LHCGR: variants seen among roughly 807,000 people sequenced by gnomAD.
LHCGR encodes the protein luteinizing hormone/choriogonadotropin receptor.
LHCGR carries 55 observed loss-of-function variants against 60.7 expected under a neutral mutation model. The observed-to-expected ratio is 0.91, with a 90% CI of 0.73 to 1.13. The LOEUF (loss-of-function observed/expected upper bound fraction) is 1.13, where lower values mean the gene tolerates loss of function less well. LHCGR is among the 50% of genes most tolerant of loss of function. LHCGR has a pLI of 0.00. For missense variants in LHCGR, 862 were observed against 836.0 expected (o/e 1.03, Z -0.38); for synonymous variants, 337 against 316.5 (o/e 1.06, Z -0.69).
chr2:48,717,909 G>A (rs949664968), intron 6 of LHCGR, among the ~76,000 whole-genome samples: 4 of 124,044 alleles, frequency 3.2e-5, no homozygotes, highest in African/African-American at 1.2e-4. Flanking sequence ...GTGGCCCACT[G>A]TTTCAGTTGC....
intron 3 of LHCGR, among the ~76,000 whole-genome samples, chr2:48,728,623 T>C (rs1182758471): frequency 1.3e-5 from 2 of 152,310 alleles, no homozygotes; most frequent in Non-Finnish European, 2.9e-5. Flanking sequence ...TTTTGTGATT[T>C]TTTGGGGAAA....
intron 6 of LHCGR, among the ~76,000 whole-genome samples, chr2:48,719,098 G>A (rs1417567392): frequency 7.2e-5 from 11 of 152,100 alleles, no homozygotes; most frequent in East Asian, 1.9e-4. Context: ...TGAGGCGGGC[G>A]GATCACGAGG....
chr2:48,688,651 A>C lies in LHCGR; in HGVS notation c.1146T>G (p.Phe382Leu). 6.2e-7 allele frequency: 1 copy of C among 1,614,208 alleles called. No homozygotes were observed. The highest frequency in any genetic ancestry group is 8.5e-7 in the Non-Finnish European group (1 of 1,180,024). ...LAIMGNMTVL[F>L]VLLTSRYKLT... Reference sequence around the variant, plus strand: ...GTTTGTAACGACTTGTCAGGAGAACAAAAAGAACAGTCATGTTTCCCATGA... The same window carrying C: ...GTTTGTAACGACTTGTCAGGAGAACCAAAAGAACAGTCATGTTTCCCATGA... The change falls in exon 11 of 11, where the codon TTT becomes TTG. Residue 382 changes from phenylalanine to leucine, a missense_variant. Transcript: ENST00000294954. The surrounding 1 kb of genome is among the most constrained non-coding windows in gnomAD (Gnocchi z 5.2).
At position 48,734,083 on chromosome 2, in the gene LHCGR, G is replaced by T. The variant is rs1242536513; in HGVS notation, c.162-2785C>A. ...CAAACGTTTTCTTCACAGCATTGTGGCATCAGGGGCTTGGAGGCAACCTGG... is the reference window on the plus strand; with the variant it reads ...CAAACGTTTTCTTCACAGCATTGTGTCATCAGGGGCTTGGAGGCAACCTGG... On this transcript the variant is annotated intron_variant, in intron 1 of 10. Transcript: ENST00000294954. Among the ~76,000 whole-genome samples, 3 of 152,226 alleles carry T rather than the reference G, an allele frequency of 2.0e-5. No individual in the cohort carries two copies. The East Asian group carries it at 5.8e-4, about 29-fold the overall frequency.
At chr2:48,720,093 G>A (rs980357761) in intron 6 of LHCGR, 2 of 152,136 alleles carry the variant, frequency 1.3e-5, no homozygotes, top group African/African-American at 4.8e-5. Context: ...ACTTCAGAGT[G>A]GGGAAATTAC....
At chr2:48,707,165 T>C (rs1307109232) in intron 8 of LHCGR, among the ~76,000 whole-genome samples, 1 of 152,238 alleles carries the variant, frequency 6.6e-6, no homozygotes, top group African/African-American at 2.4e-5. Flanking sequence ...GCTGCAGGTC[T>C]GTTGGAGTTT....
intron 1 of LHCGR, chr2:48,732,756 T>A (rs1485156834): frequency 2.2e-6 from 1 of 463,804 alleles, no homozygotes; most frequent in Admixed American, 2.5e-5. Flanking sequence ...TGCAAAGCGG[T>A]TTACCAGCCG....
rs191945124 is a variant in LHCGR, at chr2:48,695,694, A to G, written c.867-1390T>C. On this transcript the variant is annotated intron_variant, in intron 9 of 10. Coordinates refer to ENST00000294954, the MANE Select transcript of LHCGR (RefSeq NM_000233.4). ...AAAGAAAATGTGGTACATATATACA[A>G]TGTAATTCTATGCAGCCATAAAAAA... Among the ~76,000 whole-genome samples the G allele has an allele frequency of 3.3e-5, 5 of 152,328 alleles. No individual in the cohort carries two copies. The East Asian group carries it at 9.6e-4, about 29-fold the overall frequency.
chr2:48,737,384 GTTTA>G (rs1396285736), intron 1 of LHCGR, among the ~76,000 whole-genome samples: 3 of 152,160 alleles, frequency 2.0e-5, no homozygotes, highest in Admixed American at 2.0e-4. Context: ...ATGGGAAGAG[GTTTA>G]TTTAATTATT....
intron 10 of LHCGR, among the ~76,000 whole-genome samples, chr2:48,690,139 T>C (rs1680153254): frequency 6.6e-6 from 1 of 152,244 alleles, no homozygotes; most frequent in South Asian, 2.1e-4. Context: ...ACAAAGTTAC[T>C]AATTTCACTT....
At position 48,698,611 on chromosome 2, in the gene LHCGR, T is replaced by G; in HGVS notation, c.866+4A>C. Reference sequence around the variant, plus strand: ...GTAGGCTTTACCTTTTGGTTTCTACTTACTCTTTTGTTGGCAAGTTTCTAA... The same window carrying G: ...GTAGGCTTTACCTTTTGGTTTCTACGTACTCTTTTGTTGGCAAGTTTCTAA... On this transcript the variant is annotated splice_donor_region_variant and intron_variant, in intron 9 of 10. Coordinates refer to ENST00000294954, the MANE Select transcript of LHCGR (RefSeq NM_000233.4). The G allele has an allele frequency of 6.2e-7, 1 of 1,613,510 alleles. No homozygotes were observed. Among genetic ancestry groups the G allele is most frequent in the Non-Finnish European group, 8.5e-7 (1 of 1,179,522 alleles).
chr2:48,721,298 C>G (rs62135396), intron 6 of LHCGR: 5,294 of 166,062 alleles, frequency 0.032, 113 homozygotes, highest in Middle Eastern at 0.068. Flanking sequence ...TGAGTAGTTC[C>G]AGATCCATTA....
intron 6 of LHCGR, chr2:48,721,740 G>T (rs1668507463): frequency 2.1e-6 from 1 of 470,916 alleles, no homozygotes; most frequent in African/African-American, 2.0e-5. Context: ...TTTCTTTAAG[G>T]GTGAGCTCCT....
chr2:48,734,125 G>C (rs907896568), intron 1 of LHCGR, among the ~76,000 whole-genome samples: 2 of 152,166 alleles, frequency 1.3e-5, no homozygotes, highest in African/African-American at 4.8e-5. Context: ...ATTACTAGGT[G>C]AGGGAGTATG....
intron 1 of LHCGR, among the ~76,000 whole-genome samples, chr2:48,744,014 A>T (rs1411421475): frequency 1.6e-5 from 2 of 123,440 alleles, no homozygotes; most frequent in East Asian, 2.3e-4. Context: ...TACAAAATCA[A>T]CGTACAAAAA....
chr2:48,741,997 A>G (rs934149877), intron 1 of LHCGR, among the ~76,000 whole-genome samples: 2 of 152,332 alleles, frequency 1.3e-5, no homozygotes, highest in Non-Finnish European at 2.9e-5. Context: ...ATGGAGGAAG[A>G]TCTACCAAGC....
chr2:48,750,839 A>C (rs1007772771), intron 1 of LHCGR, among the ~76,000 whole-genome samples: 4 of 152,192 alleles, frequency 2.6e-5, no homozygotes, highest in African/African-American at 4.8e-5. Flanking sequence ...CATTTGCCAA[A>C]TGTCTAGAGA....
chr2:48,691,459 A>G (rs1666816592), intron 10 of LHCGR, among the ~76,000 whole-genome samples: 1 of 152,244 alleles, frequency 6.6e-6, no homozygotes, highest in Non-Finnish European at 1.5e-5. Context: ...CTTCTCACAG[A>G]CATCAATATA....
rs181351171 is a variant in LHCGR, at chr2:48,692,641, C to A, written c.947+1583G>T. 7.2e-5 allele frequency among the ~76,000 whole-genome samples: 11 copies of A among 152,234 alleles called. No homozygotes were observed. In the East Asian group the frequency reaches 2.1e-3, roughly 29 times the overall value. On this transcript the variant is annotated intron_variant, in intron 10 of 10. Coordinates refer to ENST00000294954, the MANE Select transcript of LHCGR (RefSeq NM_000233.4). Reference sequence around the variant, plus strand: ...ATCAGAGGAAGGAGAGCTGTAGCACCGCTGCTCCAGTCACAAGAAAGAAAG... The same window carrying A: ...ATCAGAGGAAGGAGAGCTGTAGCACAGCTGCTCCAGTCACAAGAAAGAAAG...
Sources: gnomAD v4.1 joint callset for allele counts (sites outside exome capture counted in the v4.1 genomes callset) on GRCh38, gnomAD v4.1.1 for gene constraint, Gnocchi (gnomAD v3.1) non-coding constraint, MANE v1.5 for transcripts, NCBI Gene and HGNC (gene_info 2026-07-23, HGNC 2026-07-21) for gene names.